Variants in SEMA5A observed in about 807,000 individuals in gnomAD.
SEMA5A encodes semaphorin-5A.
Under a neutral mutation model 135.5 loss-of-function variants are expected in SEMA5A, and 55 were observed. That is an observed-to-expected ratio of 0.41 (90% CI 0.33 to 0.51). SEMA5A has a LOEUF of 0.51. Among genes scored for constraint, SEMA5A ranks in the 20% least tolerant of loss-of-function variants. The pLI, the probability that SEMA5A is intolerant of heterozygous loss-of-function variation, is 0.37. For synonymous variants in SEMA5A, 580 were observed against 546.5 expected, an observed-to-expected ratio of 1.06 and a Z score of -0.85; for missense variants, 1,290 against 1,419.9, an observed-to-expected ratio of 0.91 and a Z score of 1.47.
intron 21 of SEMA5A, among the ~76,000 whole-genome samples, chr5:9,048,663 T>C (rs1199598224): frequency 2.6e-5 from 4 of 152,140 alleles, no homozygotes; most frequent in African/African-American, 9.7e-5. Context: ...CCAAAACCCT[T>C]CTCTATTTCC....
chr5:9,247,934 T>C (rs1393465722), intron 5 of SEMA5A, among the ~76,000 whole-genome samples: 2 of 152,186 alleles, frequency 1.3e-5, no homozygotes, highest in Admixed American at 1.3e-4. Flanking sequence ...GACTGATACA[T>C]TCATGTCCTA....
At chr5:9,163,160 G>A (rs140479479) in intron 11 of SEMA5A, among the ~76,000 whole-genome samples, 447 of 151,988 alleles carry the variant, frequency 2.9e-3, no homozygotes, top group African/African-American at 0.01. Flanking sequence ...CAAGCCCAGG[G>A]CAGATCAGAC....
At chr5:9,522,004 G>A (rs1561319189) in intron 1 of SEMA5A, among the ~76,000 whole-genome samples, 1 of 152,104 alleles carries the variant, frequency 6.6e-6, no homozygotes, top group Non-Finnish European at 1.5e-5. Flanking sequence ...TGAGGTCCAA[G>A]ACCGTCCTGG....
rs1736045923 is a variant in SEMA5A at position 9,043,021 on chromosome 5, A to AAAAT, written c.3106-9_3106-6dup. On this transcript the variant is annotated splice_polypyrimidine_tract_variant and splice_region_variant and intron_variant, in intron 22 of 22. Coordinates refer to ENST00000382496, the MANE Select transcript of SEMA5A (RefSeq NM_003966.3). ...CAAGTTGTTTTTGTTAAATGCCTGG[A>AAAAT]AAATATATTAAAAAAAAACAGGTTT... is the stretch of plus-strand genomic sequence containing the variant. 6.7e-7 allele frequency: 1 copy of AAAAT among 1,489,014 alleles called. No individual in the cohort carries two copies. The highest frequency in any genetic ancestry group is 2.5e-5 in the African/African-American group (1 of 39,524). 92.2% of individuals were successfully genotyped at this position (1,489,014 alleles called of 1,614,324 possible).
intron 10 of SEMA5A, among the ~76,000 whole-genome samples, chr5:9,195,782 G>T (rs1056538700): frequency 6.6e-6 from 1 of 152,200 alleles, no homozygotes; most frequent in Non-Finnish European, 1.5e-5. Flanking sequence ...AATGGTCCTT[G>T]CAAAAATCAA....
rs371194953 is a variant in SEMA5A at position 9,197,082 on chromosome 5, T to C, written c.1068+86A>G. On this transcript the variant is annotated intron_variant, in intron 10 of 22. Coordinates refer to ENST00000382496, the MANE Select transcript of SEMA5A (RefSeq NM_003966.3). ...AGCTGCATGGTGCATGCACCCGCGG[T>C]TTAAATTACCCTTGCCTGTCTACAC... The C allele has an allele frequency of 1.5e-5, 23 of 1,570,962 alleles. No homozygotes were observed. The Middle Eastern group carries it at 5.2e-4, about 36-fold the overall frequency.
intron 1 of SEMA5A, among the ~76,000 whole-genome samples, chr5:9,493,211 A>C (rs1419411904): frequency 1.3e-5 from 2 of 151,330 alleles, no homozygotes; most frequent in African/African-American, 4.8e-5. Context: ...TAAATATATA[A>C]ATATATATAA....
At chr5:9,258,872 T>A (rs1749241110) in intron 5 of SEMA5A, among the ~76,000 whole-genome samples, 1 of 128,966 alleles carries the variant, frequency 7.8e-6, no homozygotes, top group African/African-American at 2.9e-5. Context: ...TGGAGTGCAA[T>A]GTCATGATCT....
At chr5:9,336,919 C>T (rs1753417725) in intron 4 of SEMA5A, among the ~76,000 whole-genome samples, 1 of 152,168 alleles carries the variant, frequency 6.6e-6, no homozygotes, top group Non-Finnish European at 1.5e-5. Flanking sequence ...GCCAGAGGAA[C>T]CCAATTCTAC....
intron 1 of SEMA5A, among the ~76,000 whole-genome samples, chr5:9,514,866 T>C (rs1736418940): frequency 6.6e-6 from 1 of 152,198 alleles, no homozygotes. Flanking sequence ...TTGGTTAGTG[T>C]AGATTCCACT....
intron 3 of SEMA5A, 54 bp downstream of exon 3, chr5:9,379,769 A>G: frequency 6.3e-7 from 1 of 1,588,854 alleles, no homozygotes; most frequent in Non-Finnish European, 8.6e-7. Context: ...ATCACTAAAC[A>G]CAGAATGTGC....
intron 4 of SEMA5A, among the ~76,000 whole-genome samples, chr5:9,321,000 A>G (rs946284977): frequency 6.6e-6 from 1 of 151,990 alleles, no homozygotes; most frequent in African/African-American, 2.4e-5. Flanking sequence ...AATCCCCATA[A>G]TCCCCATGTG....
At chr5:9,333,376 G>T (rs1276441086) in intron 4 of SEMA5A, among the ~76,000 whole-genome samples, 1 of 152,200 alleles carries the variant, frequency 6.6e-6, no homozygotes, top group African/African-American at 2.4e-5. Context: ...ACTGCCTTAT[G>T]TGTCAACCAA....
At chr5:9,220,262 T>C (rs969043965) in intron 8 of SEMA5A, among the ~76,000 whole-genome samples, 6 of 152,108 alleles carry the variant, frequency 3.9e-5, no homozygotes, top group African/African-American at 7.2e-5. Context: ...GTGTACACTG[T>C]TCAGGTGAAG....
chr5:9,503,304 G>A (rs1464131939), intron 1 of SEMA5A, among the ~76,000 whole-genome samples: 1 of 152,204 alleles, frequency 6.6e-6, no homozygotes, highest in African/African-American at 2.4e-5. Context: ...GTGAGGTTCA[G>A]CAGGGAAGAG....
chr5:9,201,024 C>T (rs991206194), intron 9 of SEMA5A, among the ~76,000 whole-genome samples: 2 of 152,178 alleles, frequency 1.3e-5, no homozygotes, highest in African/African-American at 4.8e-5. Context: ...TCCAACCCAT[C>T]CAGATTTTGA....
intron 5 of SEMA5A, among the ~76,000 whole-genome samples, chr5:9,310,977 A>G (rs1286093495): frequency 6.6e-6 from 1 of 151,874 alleles, no homozygotes; most frequent in Non-Finnish European, 1.5e-5. Context: ...TAAACCGAAA[A>G]ATTCCCTAAG....
At chr5:9,543,956 G>A (rs1304087170) in intron 1 of SEMA5A, among the ~76,000 whole-genome samples, 1 of 152,094 alleles carries the variant, frequency 6.6e-6, no homozygotes, top group Non-Finnish European at 1.5e-5. Flanking sequence ...TAACTTAATG[G>A]TATTATCTGC....
chr5:9,043,913 A>ATGTT (rs1736096917), intron 22 of SEMA5A, among the ~76,000 whole-genome samples: 1 of 152,126 alleles, frequency 6.6e-6, no homozygotes, highest in African/African-American at 2.4e-5. Context: ...TGAGATCCAA[A>ATGTT]TGTTTGTTTT....
Sources: allele counts gnomAD v4.1 joint callset (sites outside exome capture counted in the v4.1 genomes callset), GRCh38; gene constraint gnomAD v4.1.1; transcripts MANE v1.5; gene names NCBI Gene and HGNC (gene_info 2026-07-23, HGNC 2026-07-21).